SIK2: variants seen among roughly 807,000 people sequenced by gnomAD.
SIK2 encodes the protein salt inducible kinase 2, also known as serine/threonine-protein kinase SIK2.
A neutral mutation model predicts 103.2 loss-of-function variants in SIK2; 29 were observed. The ratio of observed to expected loss-of-function variants is 0.28; its 90% CI spans 0.21 to 0.38. SIK2 has a LOEUF of 0.38. Among genes scored for constraint, SIK2 ranks in the 10% least tolerant of loss-of-function variants. The probability of loss-of-function intolerance (pLI) is 1.00; values close to 1 mark genes in which losing one functional copy is unlikely to be tolerated. For synonymous variants in SIK2, 412 were observed against 446.1 expected (o/e 0.92, Z 0.96); for missense variants, 879 against 1,171.0 (o/e 0.75, Z 3.64).
At chr11:111,671,439 T>C in intron 3 of SIK2, 1 of 243,200 alleles carries the variant, frequency 4.1e-6, no homozygotes, top group Non-Finnish European at 8.2e-6. Flanking sequence ...TCTGAGGCCC[T>C]TTGCTGATGT....
At position 111,705,677 on chromosome 11, in the gene SIK2, G is replaced by C. The variant is rs1292797095; in HGVS notation, c.1101+538G>C. Among the ~76,000 whole-genome samples, 1 of 152,158 alleles carries C rather than the reference G, an allele frequency of 6.6e-6. No individual in the cohort carries two copies. Among genetic ancestry groups the C allele is most frequent in the Non-Finnish European group, 1.5e-5 (1 of 68,020 alleles). ...GGGAGGACTTGGTCAGTGGTGAGTT[G>C]AAGCATTATTGTGAAGAGTTTTGAA... On this transcript the variant is annotated intron_variant, in intron 8 of 14. Transcript: ENST00000304987. The surrounding 1 kb of genome is among the most constrained non-coding windows in gnomAD (Gnocchi z 4.3).
intron 3 of SIK2, among the ~76,000 whole-genome samples, chr11:111,673,194 C>G (rs1942652674): frequency 6.6e-6 from 1 of 152,218 alleles, no homozygotes; most frequent in South Asian, 2.1e-4. Context: ...CTACCTGTTC[C>G]TCTGTTAGTC....
chr11:111,676,640 G>C (rs1039415947), intron 3 of SIK2, among the ~76,000 whole-genome samples: 1 of 152,164 alleles, frequency 6.6e-6, no homozygotes, highest in Admixed American at 6.5e-5. Flanking sequence ...AATGAATGAT[G>C]ATGTCTTAGA....
At chr11:111,628,661 A>C (rs1941998215) in intron 3 of SIK2, among the ~76,000 whole-genome samples, 2 of 152,052 alleles carry the variant, frequency 1.3e-5, no homozygotes. Context: ...TCCTGGGTTC[A>C]AGTGATCCAC....
intron 9 of SIK2, chr11:111,718,991 T>C (rs1943724087): frequency 1.3e-5 from 2 of 152,272 alleles, no homozygotes; most frequent in South Asian, 4.1e-4. Flanking sequence ...GAAGGGCCAA[T>C]GCTTGCGGGG....
chr11:111,678,253 C>CCA (rs1167816265), intron 3 of SIK2, among the ~76,000 whole-genome samples: 1 of 152,194 alleles, frequency 6.6e-6, no homozygotes, highest in Non-Finnish European at 1.5e-5. Context: ...CCCTGTACCT[C>CCA]TAACATTTAT....
chr11:111,670,160 G>A (rs924654510), intron 3 of SIK2, among the ~76,000 whole-genome samples: 10 of 152,122 alleles, frequency 6.6e-5, no homozygotes, highest in African/African-American at 1.2e-4. Flanking sequence ...CTCAAACGGT[G>A]GGTTTGTGCT....
chr11:111,613,529 G>A (rs911623510), intron 1 of SIK2, among the ~76,000 whole-genome samples: 2 of 152,122 alleles, frequency 1.3e-5, no homozygotes, highest in African/African-American at 4.8e-5. Flanking sequence ...GTTACCCAAA[G>A]TTACCCAAAA....
chr11:111,711,525 G>A (rs1042594037), intron 8 of SIK2, among the ~76,000 whole-genome samples: 24 of 152,192 alleles, frequency 1.6e-4, no homozygotes, highest in African/African-American at 5.5e-4. Context: ...TTTCTATAGT[G>A]GGTTGACTTC....
intron 3 of SIK2, among the ~76,000 whole-genome samples, chr11:111,679,725 T>C (rs1418797095): frequency 6.6e-6 from 1 of 152,220 alleles, no homozygotes; most frequent in Admixed American, 6.5e-5. Context: ...ACAGTTCAAA[T>C]TATTTCATCT....
chr11:111,640,507 A>G (rs986865718), intron 3 of SIK2, among the ~76,000 whole-genome samples: 2 of 152,296 alleles, frequency 1.3e-5, no homozygotes, highest in East Asian at 1.9e-4. Flanking sequence ...AACATTAAAT[A>G]GTATAACATT....
chr11:111,709,218 A>C (rs558721358), intron 8 of SIK2, among the ~76,000 whole-genome samples: 1 of 152,222 alleles, frequency 6.6e-6, no homozygotes, highest in South Asian at 2.1e-4. Context: ...TCTCTGCGCA[A>C]GTGTGGAGAG....
In SIK2 at chr11:111,712,210, G is replaced by T; in HGVS notation, c.1102-1G>T. 6.2e-7 allele frequency: 1 copy of T among 1,613,994 alleles called. No individual in the cohort carries two copies. Among genetic ancestry groups the T allele is most frequent in the Non-Finnish European group, 8.5e-7 (1 of 1,179,928 alleles). On this transcript the variant is annotated splice_acceptor_variant, in intron 8 of 14. Transcript: ENST00000304987. LOFTEE classifies it high-confidence loss of function. ...ACTGTCTGTTCTTGCCATATTTACA[G>T]GCACAGACTGTGGGGCTCCCAGTGA...
At chr11:111,662,987 C>G (rs1220884892) in intron 3 of SIK2, among the ~76,000 whole-genome samples, 2 of 151,920 alleles carry the variant, frequency 1.3e-5, no homozygotes, top group Non-Finnish European at 2.9e-5. Flanking sequence ...AATCTCAACA[C>G]TTTGGGAGGC....
rs943241967 is a variant in SIK2, at chr11:111,724,666, T to A, written c.*537T>A. 6.4e-6 allele frequency: 1 copy of A among 156,782 alleles called. No individual in the cohort carries two copies. The highest frequency in any genetic ancestry group is 6.1e-5 in the Admixed American group (1 of 16,328). 9.7% of individuals were successfully genotyped at this position (156,782 alleles called of 1,614,324 possible). A position where few individuals can be genotyped will look rare whatever the true frequency, so the allele number is the denominator to read the frequency against. On this transcript the variant is annotated 3_prime_UTR_variant, in exon 15 of 15. Coordinates refer to ENST00000304987, the MANE Select transcript of SIK2 (RefSeq NM_015191.3). ...TGAATCCTAAGTTCTTAGCTGCTGA[T>A]GCAAGTTGTCCCCCAAGGCCATCAC...
chr11:111,615,788 A>G (rs1941798005), intron 1 of SIK2, among the ~76,000 whole-genome samples: 1 of 152,200 alleles, frequency 6.6e-6, no homozygotes, highest in Non-Finnish European at 1.5e-5. Context: ...TTTTGTCTGT[A>G]TTCTTTGAAA....
chr11:111,635,993 C>G (rs1397687743), intron 3 of SIK2, among the ~76,000 whole-genome samples: 1 of 152,174 alleles, frequency 6.6e-6, no homozygotes, highest in African/African-American at 2.4e-5. Context: ...CCCTAGTTTT[C>G]TGTTTCTTTC....
chr11:111,721,022 C>G lies in SIK2; in HGVS notation c.1904C>G (p.Ala635Gly), dbSNP rs148331121. ...GPEADPNLAP[A>G]APQLQDLASS... Reference sequence around the variant, plus strand: ...GAGGCAGACCCTAACCTGGCGCCGGCGGCTCCTCAGCTCCAGGACCTTGCT... The same window carrying G: ...GAGGCAGACCCTAACCTGGCGCCGGGGGCTCCTCAGCTCCAGGACCTTGCT... The change falls in exon 12 of 15, where the codon GCG becomes GGG. Residue 635 changes from alanine to glycine, a missense_variant. Coordinates refer to ENST00000304987, the MANE Select transcript of SIK2 (RefSeq NM_015191.3). 6.2e-7 allele frequency: 1 copy of G among 1,613,990 alleles called. No homozygotes were observed. Among genetic ancestry groups the G allele is most frequent in the Admixed American group, 1.7e-5 (1 of 60,018 alleles).
intron 3 of SIK2, among the ~76,000 whole-genome samples, chr11:111,681,585 A>G (rs748682603): frequency 1.9e-4 from 29 of 152,224 alleles, no homozygotes; most frequent in African/African-American, 6.5e-4. Context: ...TAAACACACA[A>G]TCTTAATGGT....
Sources: gnomAD v4.1 joint callset for allele counts (sites outside exome capture counted in the v4.1 genomes callset) on GRCh38, gnomAD v4.1.1 for gene constraint, Gnocchi (gnomAD v3.1) non-coding constraint, MANE v1.5 for transcripts, NCBI Gene and HGNC (gene_info 2026-07-23, HGNC 2026-07-21) for gene names.